WWP1: variants seen among roughly 807,000 people sequenced by gnomAD.
The protein encoded by WWP1 is WW domain containing E3 ubiquitin protein ligase 1.
In WWP1, 49 loss-of-function variants were observed where a neutral mutation model predicts 130.6. That is an observed-to-expected ratio of 0.38 (90% CI 0.30 to 0.48). The LOEUF (loss-of-function observed/expected upper bound fraction) is 0.48. Ranked by LOEUF, WWP1 falls within the 20% of genes least tolerant of loss-of-function variation. The pLI is 0.99. For missense variants in WWP1, 809 were observed against 1,100.6 expected (o/e 0.74, Z 3.75); for synonymous variants, 332 against 367.8 (o/e 0.90, Z 1.11).
chr8:86,354,446 T>C (rs1327911891), intron 1 of WWP1, among the ~76,000 whole-genome samples: 1 of 152,174 alleles, frequency 6.6e-6, no homozygotes, highest in Non-Finnish European at 1.5e-5. Flanking sequence ...TCAGTTTTTT[T>C]TTTAGCTTTT....
chr8:86,379,731 A>C (rs1057014531), intron 3 of WWP1, among the ~76,000 whole-genome samples: 1 of 152,188 alleles, frequency 6.6e-6, no homozygotes, highest in Non-Finnish European at 1.5e-5. Context: ...CTTCTTTTCG[A>C]AGCTAACTTT....
chr8:86,400,060 G>A (rs1807882440), intron 7 of WWP1, among the ~76,000 whole-genome samples: 1 of 152,184 alleles, frequency 6.6e-6, no homozygotes, highest in African/African-American at 2.4e-5. Context: ...ACTGGGCATG[G>A]TGGCTCATTC....
intron 16 of WWP1, among the ~76,000 whole-genome samples, chr8:86,437,600 A>G (rs796854350): frequency 6.6e-6 from 1 of 152,170 alleles, no homozygotes; most frequent in Non-Finnish European, 1.5e-5. Flanking sequence ...GAAGGAGGAA[A>G]GAGTATAGTT....
intron 7 of WWP1, among the ~76,000 whole-genome samples, chr8:86,398,865 A>G (rs1400778183): frequency 1.3e-5 from 2 of 152,190 alleles, no homozygotes; most frequent in African/African-American, 4.8e-5. Flanking sequence ...TATACATTTT[A>G]GTCGTTTTTA....
intron 9 of WWP1, among the ~76,000 whole-genome samples, chr8:86,419,884 A>G (rs1809102819): frequency 6.6e-6 from 1 of 152,228 alleles, no homozygotes; most frequent in African/African-American, 2.4e-5. Flanking sequence ...CAGATTTCCT[A>G]GAATCAACAC....
Position 86,398,458 on chromosome 8 carries a change from A to G in WWP1, c.451A>G (p.Asn151Asp), listed in dbSNP as rs143496169. 3.7e-6 allele frequency: 6 copies of G among 1,612,790 alleles called. No individual in the cohort carries two copies. The African/African-American group carries it at 8.0e-5, about 21-fold the overall frequency. ...GLVIEQENIT[N>D]CSSSPTIEIQ... ...GGTGATTGAGCAAGAAAATATAACA[A>G]ACTGCAGCTCATCTCCAACCAGTAA... is the stretch of plus-strand genomic sequence containing the variant. Residue 151 changes from asparagine (N) to aspartate (D), a missense_variant, in exon 6 of 25, where the codon AAC becomes GAC. By Grantham distance (23) the Asn-to-Asp change is conservative. Coordinates refer to ENST00000517970, the MANE Select transcript of WWP1 (RefSeq NM_007013.4).
chr8:86,461,060 C>G (rs1377306849), intron 22 of WWP1, among the ~76,000 whole-genome samples, 164 bp from the exon 23 acceptor site: 2 of 152,022 alleles, frequency 1.3e-5, no homozygotes, highest in Non-Finnish European at 2.9e-5. Flanking sequence ...CCGCCTGCTT[C>G]GGCCTCCCAA....
At chr8:86,461,889 A>T in intron 24 of WWP1, 43 bp downstream of exon 24, 2 of 1,511,054 alleles carry the variant, frequency 1.3e-6, no homozygotes, top group South Asian at 2.3e-5. Flanking sequence ...AGCCACAGAG[A>T]ATCTTTTGTT....
chr8:86,363,684 T>A (rs1306942175), intron 1 of WWP1, among the ~76,000 whole-genome samples: 1 of 151,022 alleles, frequency 6.6e-6, no homozygotes, highest in Non-Finnish European at 1.5e-5. Context: ...TGGCCCCAGC[T>A]ACTCAGGAGG....
intron 24 of WWP1, among the ~76,000 whole-genome samples, chr8:86,463,922 G>A (rs922552768): frequency 1.8e-4 from 28 of 151,956 alleles, no homozygotes; most frequent in African/African-American, 6.5e-4. Flanking sequence ...TTAGCCGGGT[G>A]TGGTGGCACA....
At chr8:86,343,786 T>C (rs899670729) in intron 1 of WWP1, among the ~76,000 whole-genome samples, 38 of 152,170 alleles carry the variant, frequency 2.5e-4, no homozygotes, top group Non-Finnish European at 4.3e-4. Context: ...TTCTATTTGA[T>C]AAGTTTAACA....
chr8:86,353,201 A>G (rs1823047270), intron 1 of WWP1, among the ~76,000 whole-genome samples: 1 of 150,652 alleles, frequency 6.6e-6, no homozygotes, highest in Admixed American at 6.6e-5. Flanking sequence ...AATGAAAGAA[A>G]CAAAACAAAT....
Position 86,447,558 on chromosome 8 carries a change from G to A in WWP1, c.1999-590G>A, listed in dbSNP as rs182918909. Among the ~76,000 whole-genome samples, 13 of 152,190 alleles carry A rather than the reference G, an allele frequency of 8.5e-5. No individual in the cohort carries two copies. In the East Asian group the frequency reaches 1.7e-3, roughly 20 times the overall value. ...TGGGATTACAAGTGTGAGCCACTGC[G>A]CCCCACCTTGAAGGTAGTTATTTTA... On this transcript the variant is annotated intron_variant, in intron 18 of 24. Coordinates refer to ENST00000517970, the MANE Select transcript of WWP1 (RefSeq NM_007013.4).
chr8:86,447,273 A>G, intron 18 of WWP1, among the ~76,000 whole-genome samples: 1 of 151,950 alleles, frequency 6.6e-6, no homozygotes, highest in Non-Finnish European at 1.5e-5. Flanking sequence ...GAGTTATTTT[A>G]TTTTATTTTT....
chr8:86,408,491 T>G (rs1808401903), intron 8 of WWP1, among the ~76,000 whole-genome samples: 1 of 152,242 alleles, frequency 6.6e-6, no homozygotes, highest in Non-Finnish European at 1.5e-5. Context: ...TCCTAGTGCT[T>G]TGCATCTCAC....
Position 86,402,093 on chromosome 8 carries a change from C to T in WWP1, c.614C>T (p.Ser205Leu), listed in dbSNP as rs772101198. Residue 205 changes from serine to leucine, a missense_variant, in exon 8 of 25, where the codon TCG becomes TTG. By Grantham distance (145) the Ser-to-Leu change is moderately radical. Around this residue, in one of 3 missense-constraint regions of WWP1, gnomAD observed 262 missense variants for 346.0 expected, o/e 0.76. Transcript: ENST00000517970. ...ACTCTAGTCCAAAACTCATGCTGCTCGTATGTAGTTAATGGAGACAACACA... is the reference window on the plus strand; with the variant it reads ...ACTCTAGTCCAAAACTCATGCTGCTTGTATGTAGTTAATGGAGACAACACA... ...TSTLVQNSCC[S>L]YVVNGDNTPS... The T allele has an allele frequency of 1.8e-5, 29 of 1,612,494 alleles. No individual in the cohort carries two copies. Among genetic ancestry groups the T allele is most frequent in the East Asian group, 2.2e-5 (1 of 44,808 alleles).
At chr8:86,358,516 C>T (rs1479355782) in intron 1 of WWP1, among the ~76,000 whole-genome samples, 1 of 148,684 alleles carries the variant, frequency 6.7e-6, no homozygotes, top group African/African-American at 2.5e-5. Context: ...AGGTCTAGCT[C>T]TGTCTCCCAG....
Position 86,364,982 on chromosome 8 carries a change from A to C in WWP1, c.-114-3957A>C, listed in dbSNP as rs939913081. Among the ~76,000 whole-genome samples the C allele has an allele frequency of 3.9e-5, 6 of 152,142 alleles. No individual in the cohort carries two copies. The East Asian group carries it at 1.2e-3, about 29-fold the overall frequency. Reference sequence around the variant, plus strand: ...TGGCTGAAAAATAGGAAGAGAGTGCATTTATGATAGGGGAGATGTGAGATA... The same window carrying C: ...TGGCTGAAAAATAGGAAGAGAGTGCCTTTATGATAGGGGAGATGTGAGATA... On this transcript the variant is annotated intron_variant, in intron 1 of 24. Transcript: ENST00000517970.
intron 20 of WWP1, among the ~76,000 whole-genome samples, chr8:86,451,789 T>TA (rs1319954254): frequency 6.6e-6 from 1 of 152,192 alleles, no homozygotes; most frequent in Non-Finnish European, 1.5e-5. Context: ...CTTTAGGTAG[T>TA]TCTTTTCAGA....
Sources: allele counts gnomAD v4.1 joint callset (sites outside exome capture counted in the v4.1 genomes callset), GRCh38; gene constraint gnomAD v4.1.1; regional missense constraint gnomAD v4.1.1; transcripts MANE v1.5; gene names NCBI Gene and HGNC (gene_info 2026-07-23, HGNC 2026-07-21).